GRIP1: variants seen among roughly 807,000 people sequenced by gnomAD.
GRIP1 encodes glutamate receptor-interacting protein 1.
A neutral mutation model predicts 129.9 loss-of-function variants in GRIP1; 45 were observed. The observed-to-expected ratio is 0.35, with a 90% CI of 0.27 to 0.44. The LOEUF (loss-of-function observed/expected upper bound fraction) is 0.44. Among genes scored for constraint, GRIP1 ranks in the 20% least tolerant of loss-of-function variants. The pLI is 1.00. For synonymous variants in GRIP1, 530 were observed against 520.8 expected, an observed-to-expected ratio of 1.02 and a Z score of -0.24; for missense variants, 1,196 against 1,396.8, an observed-to-expected ratio of 0.86 and a Z score of 2.29.
intron 1 of GRIP1, among the ~76,000 whole-genome samples, chr12:67,036,902 T>C (rs955323040): frequency 1.3e-5 from 2 of 152,118 alleles, no homozygotes; most frequent in Non-Finnish European, 2.9e-5. Context: ...AATTCAAAGA[T>C]ATAAACATAC....
At chr12:66,775,431 G>A (rs1172642308) in intron 1 of GRIP1, among the ~76,000 whole-genome samples, 1 of 152,180 alleles carries the variant, frequency 6.6e-6, no homozygotes, top group Admixed American at 6.5e-5. Context: ...ATCTGAAAAT[G>A]TAATATAGTT....
intron 1 of GRIP1, among the ~76,000 whole-genome samples, chr12:66,648,969 T>G (rs908160194): frequency 1.3e-5 from 2 of 152,236 alleles, no homozygotes; most frequent in African/African-American, 4.8e-5. Context: ...ACTTTCATTT[T>G]ATCATGTACG....
rs757833064 is a variant in GRIP1, at chr12:66,444,660, G to A, written c.1611C>T (p.Phe537=). 3.2e-5 allele frequency: 51 copies of A among 1,613,756 alleles called. No homozygotes were observed. The highest frequency in any genetic ancestry group is 4.0e-5 in the African/African-American group (3 of 74,844). ...CTCGGAGGAGCTGACTGGCTTCTTC[G>A]AAGGTGCTGTCTTCTGTTGGAATTC... ...INGIPTEDST[F]EEASQLLRDS... Residue 537 remains phenylalanine, a synonymous_variant, in exon 13 of 25, where the codon TTC becomes TTT. Coordinates refer to ENST00000359742, the MANE Select transcript of GRIP1 (RefSeq NM_001366722.1).
chr12:66,392,635 GC>G (rs1376860793), intron 18 of GRIP1, 41 bp downstream of exon 18: 1 of 1,609,026 alleles, frequency 6.2e-7, no homozygotes, highest in South Asian at 1.1e-5. Context: ...GGAAGAAAAT[GC>G]ACTGGAAATC....
At chr12:66,653,343 G>A (rs188539080) in intron 1 of GRIP1, among the ~76,000 whole-genome samples, 75 of 152,284 alleles carry the variant, frequency 4.9e-4, no homozygotes, top group African/African-American at 1.7e-3. Context: ...GCCCCTGTAA[G>A]CTGAACAGCT....
chr12:66,416,613 G>T (rs2057613508), intron 15 of GRIP1, among the ~76,000 whole-genome samples: 1 of 152,168 alleles, frequency 6.6e-6, no homozygotes, highest in Admixed American at 6.5e-5. Context: ...AGGATCATTA[G>T]TGGCTCCTAT....
At chr12:66,890,651 T>C (rs1192877805) in intron 1 of GRIP1, among the ~76,000 whole-genome samples, 3 of 152,172 alleles carry the variant, frequency 2.0e-5, no homozygotes, top group East Asian at 3.9e-4. Context: ...AATATAAAAT[T>C]AGGGGAAAAA....
At chr12:66,547,314 C>T (rs570389793) in intron 2 of GRIP1, among the ~76,000 whole-genome samples, 22 of 152,146 alleles carry the variant, frequency 1.4e-4, no homozygotes, top group South Asian at 8.3e-4. Flanking sequence ...ATCACTCTGA[C>T]GCTACTGATG....
intron 13 of GRIP1, among the ~76,000 whole-genome samples, chr12:66,437,113 AT>A (rs1272378807): frequency 1.3e-5 from 2 of 152,214 alleles, no homozygotes; most frequent in African/African-American, 4.8e-5. Context: ...AGGTTTGGGA[AT>A]TAATATCTGG....
chr12:66,804,623 G>C (rs1049912102), upstream of GRIP1, among the ~76,000 whole-genome samples: 1 of 152,130 alleles, frequency 6.6e-6, no homozygotes. Flanking sequence ...CATCGGGGCG[G>C]GGGTATAGGA....
rs1196200653 is a variant in GRIP1, at chr12:66,377,043, C to T, written c.2752G>A (p.Val918Met). The T allele has an allele frequency of 6.2e-7, 1 of 1,612,766 alleles. No individual in the cohort carries two copies. Among genetic ancestry groups the T allele is most frequent in the Admixed American group, 1.7e-5 (1 of 60,022 alleles). The change falls in exon 22 of 25, where the codon GTG becomes ATG. Residue 918 changes from valine (V) to methionine (M), a missense_variant. This residue lies in a region of GRIP1 where 427 missense variants were observed against 463.3 expected (regional missense o/e 0.92). Coordinates refer to ENST00000359742, the MANE Select transcript of GRIP1 (RefSeq NM_001366722.1). ...AAGAGAGTCATGTTTCTCAAAGACA[C>T]ACGCCTGTCAGCTTTCTCCTGTGGA... is the stretch of plus-strand genomic sequence containing the variant. ...RELEEKADRRVSLRNMTLLAT... is the reference protein window; with the variant it reads ...RELEEKADRRMSLRNMTLLAT...
chr12:66,986,271 G>A (rs2042309645), intron 1 of GRIP1, among the ~76,000 whole-genome samples: 1 of 152,048 alleles, frequency 6.6e-6, no homozygotes, highest in Admixed American at 6.6e-5. Flanking sequence ...TCAGTGTGGC[G>A]ATTCCTCAGG....
At chr12:66,486,118 C>T (rs952525472) in intron 7 of GRIP1, among the ~76,000 whole-genome samples, 2 of 151,916 alleles carry the variant, frequency 1.3e-5, no homozygotes, top group Admixed American at 6.6e-5. Context: ...TGTGGTTTTA[C>T]TGTGTATTTA....
At chr12:66,467,225 T>C (rs1198662215) in intron 7 of GRIP1, among the ~76,000 whole-genome samples, 1 of 152,120 alleles carries the variant, frequency 6.6e-6, no homozygotes, top group East Asian at 1.9e-4. Flanking sequence ...TAAGGAGAGT[T>C]TTTGGCTCTG....
intron 1 of GRIP1, among the ~76,000 whole-genome samples, chr12:66,706,697 G>A (rs1274165903): frequency 6.6e-6 from 1 of 151,988 alleles, no homozygotes; most frequent in African/African-American, 2.4e-5. Context: ...TAAAAAGGAA[G>A]GAGATCATGC....
chr12:66,857,894 T>A (rs1187617084), intron 1 of GRIP1, among the ~76,000 whole-genome samples: 1 of 152,026 alleles, frequency 6.6e-6, no homozygotes, highest in Non-Finnish European at 1.5e-5. Context: ...GCAGAGATGA[T>A]GGAGTGTCTG....
At position 66,966,872 on chromosome 12, in the gene GRIP1, T is replaced by C. The variant is rs573159584; in HGVS notation, c.58+102178A>G. On this transcript the variant is annotated intron_variant, in intron 1 of 1. Coordinates refer to the GRIP1 transcript ENST00000643019. ...AGTCGCTTCCTTGCCCTTTCCACAC[T>C]ATACTCTGAAACAAAGTCACTATGC... Among the ~76,000 whole-genome samples, 22 of 152,260 alleles carry C rather than the reference T, an allele frequency of 1.4e-4. No individual in the cohort carries two copies. The South Asian group carries it at 3.3e-3, about 23-fold the overall frequency.
chr12:66,367,822 C>T (rs1413333420), intron 23 of GRIP1, among the ~76,000 whole-genome samples: 3 of 152,220 alleles, frequency 2.0e-5, no homozygotes, highest in Non-Finnish European at 4.4e-5. Flanking sequence ...GATCACTTCC[C>T]TGTGACCCAT....
chr12:67,015,918 A>G (rs1023557628), intron 1 of GRIP1, among the ~76,000 whole-genome samples: 3 of 152,216 alleles, frequency 2.0e-5, no homozygotes, highest in African/African-American at 7.2e-5. Context: ...CTGGTTAATG[A>G]CAAGTCCTAG....
Sources: allele counts gnomAD v4.1 joint callset (sites outside exome capture counted in the v4.1 genomes callset), GRCh38; gene constraint gnomAD v4.1.1; regional missense constraint gnomAD v4.1.1; transcripts MANE v1.5; gene names NCBI Gene and HGNC (gene_info 2026-07-23, HGNC 2026-07-21).